The following CACNA2D4 variants were observed in gnomAD, a reference collection of about 807,000 sequenced individuals.
CACNA2D4 encodes voltage-dependent calcium channel subunit alpha-2/delta-4.
CACNA2D4 carries 157 observed loss-of-function variants against 163.8 expected under a neutral mutation model. That is an observed-to-expected ratio of 0.96 (90% confidence interval 0.84 to 1.09). The LOEUF is 1.09. CACNA2D4 is among the 50% of genes least tolerant of loss of function. The pLI, the probability that CACNA2D4 is intolerant of heterozygous loss-of-function variation, is 0.00. For synonymous variants in CACNA2D4, 598 were observed against 586.9 expected, an observed-to-expected ratio of 1.02 and a Z score of -0.27; for missense variants, 1,410 against 1,479.9, an observed-to-expected ratio of 0.95 and a Z score of 0.78.
intron 29 of CACNA2D4, among the ~76,000 whole-genome samples, chr12:1,804,653 C>T (rs572303326): frequency 3.2e-4 from 48 of 152,256 alleles, no homozygotes; most frequent in Non-Finnish European, 2.1e-4. Context: ...TTCCCAGTAG[C>T]CCTTGCGGCA....
chr12:1,869,676 A>G lies in CACNA2D4; in HGVS notation c.1878+4928T>C, dbSNP rs1483456290. ...CATTGGATGCAGACACCAGCTTTCC[A>G]TAGATTTCATAAACAGCTCCCACAG... On this transcript the variant is annotated intron_variant, in intron 18 of 37. Transcript: ENST00000382722. This position sits in a 1 kb window ranked among gnomAD's most constrained non-coding sequence, Gnocchi z 4.7. Among the ~76,000 whole-genome samples, 1 of 152,192 alleles carries G rather than the reference A, an allele frequency of 6.6e-6. No homozygotes were observed. The highest frequency in any genetic ancestry group is 2.4e-5 in the African/African-American group (1 of 41,450).
Position 1,879,524 on chromosome 12 carries a change from G to A in CACNA2D4, c.1563+280C>T, listed in dbSNP as rs369269017. Among the ~76,000 whole-genome samples the A allele has an allele frequency of 9.2e-5, 14 of 152,272 alleles. 1 individual carries two copies. Among genetic ancestry groups the A allele is most frequent in the Admixed American group, 3.9e-4 (6 of 15,300 alleles). ...AGGAAGGCTGACGGGAAACCCTCCG[G>A]TCTTATATCCCCAAGGCAGGGGTCC... On this transcript the variant is annotated intron_variant, in intron 14 of 37. Coordinates refer to ENST00000382722, the MANE Select transcript of CACNA2D4 (RefSeq NM_172364.5).
chr12:1,892,766 CAT>C (rs1389487002), intron 6 of CACNA2D4, among the ~76,000 whole-genome samples: 2 of 152,014 alleles, frequency 1.3e-5, no homozygotes, highest in African/African-American at 4.8e-5. Context: ...CCTGTGAAGA[CAT>C]ATACAGAATG....
rs1321954155 is a variant in CACNA2D4, at chr12:1,844,206, C to T, written c.2470+196G>A. 1.3e-5 allele frequency among the ~76,000 whole-genome samples: 2 copies of T among 152,122 alleles called. No individual in the cohort carries two copies. The highest frequency in any genetic ancestry group is 2.9e-5 in the Non-Finnish European group (2 of 68,022). On this transcript the variant is annotated intron_variant, in intron 25 of 37. Coordinates refer to ENST00000382722, the MANE Select transcript of CACNA2D4 (RefSeq NM_172364.5). This position sits in a 1 kb window ranked among gnomAD's most constrained non-coding sequence, Gnocchi z 4.2. ...GATCAGGCTCACCTTCAGCGTGGGA[C>T]CTGTGGTGTGGGAAGGTGCCAATGA...
intron 26 of CACNA2D4, among the ~76,000 whole-genome samples, chr12:1,818,252 C>G (rs1565683150): frequency 6.6e-6 from 1 of 151,886 alleles, no homozygotes; most frequent in Non-Finnish European, 1.5e-5. Flanking sequence ...GCCCGGCCAC[C>G]ACCCAGTCTG....
chr12:1,846,071 G>A (rs539909571), intron 24 of CACNA2D4, among the ~76,000 whole-genome samples: 1 of 152,142 alleles, frequency 6.6e-6, no homozygotes, highest in Admixed American at 6.5e-5. Context: ...ACCAAGGTGG[G>A]AGTGGGTGGC....
chr12:1,851,826 T>C (rs1302189207), intron 23 of CACNA2D4, among the ~76,000 whole-genome samples: 1 of 152,122 alleles, frequency 6.6e-6, no homozygotes, highest in African/African-American at 2.4e-5. Context: ...AATATCTTTA[T>C]GATGTTGAAG....
At chr12:1,910,043 G>T in intron 3 of CACNA2D4, 78 bp from the exon 4 acceptor site, 1 of 1,205,840 alleles carries the variant, frequency 8.3e-7, no homozygotes. Context: ...AACAGTTGCC[G>T]GGTGACCCAG....
intron 26 of CACNA2D4, among the ~76,000 whole-genome samples, chr12:1,839,280 T>C (rs1299510987): frequency 6.6e-6 from 1 of 152,254 alleles, no homozygotes; most frequent in Non-Finnish European, 1.5e-5. Context: ...GAATGCCTGT[T>C]GGATCGCGCA....
intron 18 of CACNA2D4, among the ~76,000 whole-genome samples, chr12:1,871,451 GGT>G (rs957414839): frequency 1.4e-5 from 2 of 147,670 alleles, no homozygotes; most frequent in African/African-American, 5.0e-5. Flanking sequence ...GTATGTTGCT[GGT>G]GTGTGTGTAC....
At chr12:1,907,594 A>G (rs760819696) in intron 5 of CACNA2D4, 23 bp from the exon 6 acceptor site, 5 of 1,605,694 alleles carry the variant, frequency 3.1e-6, no homozygotes, top group Non-Finnish European at 4.3e-6. Flanking sequence ...ACTATAGATT[A>G]TGATCCTGTA....
intron 13 of CACNA2D4, among the ~76,000 whole-genome samples, chr12:1,882,616 G>A (rs73036228): frequency 0.11 from 16,967 of 152,212 alleles, 1,123 homozygotes; most frequent in African/African-American, 0.16. Context: ...GACCCTGTCC[G>A]TGGAGAGCAC....
At chr12:1,842,336 A>G (rs1461503540) in intron 25 of CACNA2D4, among the ~76,000 whole-genome samples, 1 of 152,212 alleles carries the variant, frequency 6.6e-6, no homozygotes, top group Non-Finnish European at 1.5e-5. Context: ...TTAGCCCACC[A>G]GGCCCCGGCA....
intron 6 of CACNA2D4, among the ~76,000 whole-genome samples, chr12:1,906,283 A>G (rs1364420875): frequency 6.6e-6 from 1 of 152,230 alleles, no homozygotes; most frequent in Non-Finnish European, 1.5e-5. Context: ...GTATGACACC[A>G]AAGGCAAAGA....
intron 18 of CACNA2D4, among the ~76,000 whole-genome samples, chr12:1,870,085 G>A (rs1865737920): frequency 1.3e-5 from 2 of 152,156 alleles, no homozygotes; most frequent in African/African-American, 2.4e-5. Context: ...TCTCTTGGTC[G>A]TGGGACAGTC....
At position 1,844,700 on chromosome 12, in the gene CACNA2D4, A is replaced by C. The variant is rs2286375; in HGVS notation, c.2343-171T>G. Among the ~76,000 whole-genome samples the C allele has an allele frequency of 0.071, 10,846 of 152,294 alleles. 915 individuals carry two copies. Among genetic ancestry groups the C allele is most frequent in the East Asian group, 0.41 (2,097 of 5,176 alleles). On this transcript the variant is annotated intron_variant, in intron 24 of 37. Coordinates refer to ENST00000382722, the MANE Select transcript of CACNA2D4 (RefSeq NM_172364.5). The surrounding 1 kb of genome is among the most constrained non-coding windows in gnomAD (Gnocchi z 4.2). ...CAATTCTCGCCTTTTCCAGAAACAA[A>C]ACGATGTCATGTTGCATCTAGCTAG...
chr12:1,810,624 A>G, intron 27 of CACNA2D4, 37 bp from the exon 28 acceptor site: 1 of 1,547,860 alleles, frequency 6.5e-7, no homozygotes, highest in South Asian at 1.2e-5. Flanking sequence ...TGGACACTGC[A>G]TGTGTAGTAG....
intron 37 of CACNA2D4, 94 bp from the exon 38 acceptor site, chr12:1,793,853 G>A: frequency 1.0e-6 from 1 of 986,780 alleles, no homozygotes; most frequent in Non-Finnish European, 1.5e-6. Context: ...CAAAATCCTG[G>A]GGAAAGGGGA....
Position 1,840,777 on chromosome 12 carries a change from A to G in CACNA2D4, c.2513T>C (p.Val838Ala). 6.2e-7 allele frequency: 1 copy of G among 1,613,948 alleles called. No individual in the cohort carries two copies. The highest frequency in any genetic ancestry group is 8.5e-7 in the Non-Finnish European group (1 of 1,179,902). Residue 838 changes from valine (V) to alanine (A), a missense_variant, in exon 26 of 38, where the codon GTG (valine) becomes GCG (alanine). By Grantham distance (64) the Val-to-Ala change is moderately conservative (BLOSUM62 0). Coordinates refer to ENST00000382722, the MANE Select transcript of CACNA2D4 (RefSeq NM_172364.5). The stretch of plus-strand genomic sequence containing the variant: ...TGTCCTCTTGTCCACGGTCACCGCC[A>G]CAGCTGTGCTTGCCGTCACCACCAT... ...EPMVVTASTA[V>A]AVTVDKRTAI...
Sources: gnomAD v4.1 joint callset for allele counts (sites outside exome capture counted in the v4.1 genomes callset) on GRCh38, gnomAD v4.1.1 for gene constraint, Gnocchi (gnomAD v3.1) non-coding constraint, MANE v1.5 for transcripts, NCBI Gene and HGNC (gene_info 2026-07-23, HGNC 2026-07-21) for gene names.